The following ATP2B4 variants were observed in gnomAD, a reference collection of about 807,000 sequenced individuals.
ATP2B4 encodes the protein plasma membrane calcium-transporting ATPase 4.
ATP2B4 carries 39 observed loss-of-function variants against 110.3 expected under a neutral mutation model. The observed-to-expected ratio is 0.35, with a 90% CI of 0.27 to 0.46. ATP2B4 has a LOEUF of 0.46. ATP2B4 is among the 20% of genes least tolerant of loss of function. The pLI is 1.00. For missense variants in ATP2B4, 1,135 were observed against 1,530.9 expected (o/e 0.74, Z 4.32); for synonymous variants, 538 against 571.7 (o/e 0.94, Z 0.84).
chr1:203,630,846 C>T (rs895504138), intron 1 of ATP2B4, among the ~76,000 whole-genome samples: 1 of 152,184 alleles, frequency 6.6e-6, no homozygotes, highest in African/African-American at 2.4e-5. Flanking sequence ...CCACTCATGT[C>T]CCCTTTTCTG....
rs779243492 is a variant in ATP2B4, at chr1:203,700,902, G to A, written c.880G>A (p.Glu294Lys). The change falls in exon 6 of 21, where the codon GAA becomes AAA. Residue 294 changes from glutamate (E) to lysine (K), a missense_variant. Glu to Lys is a moderately conservative substitution (Grantham distance 56). Coordinates refer to ENST00000357681, the MANE Select transcript of ATP2B4 (RefSeq NM_001684.5). ...LTLLGVNEDDEGEKKKKGKKQ... is the reference protein window; with the variant it reads ...LTLLGVNEDDKGEKKKKGKKQ... ...TCTCTTGGGGGTCAATGAGGATGAC[G>A]AAGGGGAGAAAAAGAAGAAAGGTAA... is the stretch of plus-strand genomic sequence containing the variant. 1.1e-5 allele frequency: 18 copies of A among 1,613,252 alleles called. No homozygotes were observed. The highest frequency in any genetic ancestry group is 6.7e-5 in the African/African-American group (5 of 74,964).
At chr1:203,671,400 A>T (rs1664656658) in intron 1 of ATP2B4, among the ~76,000 whole-genome samples, 1 of 152,148 alleles carries the variant, frequency 6.6e-6, no homozygotes, top group Admixed American at 6.5e-5. Flanking sequence ...GAGTTCAAGC[A>T]ATCCTCCCTC....
chr1:203,661,959 T>C (rs1201498822), intron 1 of ATP2B4, among the ~76,000 whole-genome samples: 1 of 152,278 alleles, frequency 6.6e-6, no homozygotes, highest in East Asian at 1.9e-4. Context: ...CATCTGCTCT[T>C]CTTCCTTCTC....
At chr1:203,676,076 T>C (rs1243145513) in intron 1 of ATP2B4, among the ~76,000 whole-genome samples, 2 of 152,176 alleles carry the variant, frequency 1.3e-5, no homozygotes, top group Non-Finnish European at 2.9e-5. Context: ...GCCAGAGGCC[T>C]GGCTTGGTGT....
chr1:203,653,589 G>T (rs930859724), intron 1 of ATP2B4, among the ~76,000 whole-genome samples: 1 of 152,114 alleles, frequency 6.6e-6, no homozygotes, highest in African/African-American at 2.4e-5. Context: ...GTGACTTCAA[G>T]TTAAAGTCAA....
intron 2 of ATP2B4, among the ~76,000 whole-genome samples, chr1:203,695,315 G>T (rs941403941): frequency 2.0e-5 from 3 of 152,222 alleles, no homozygotes; most frequent in Admixed American, 6.5e-5. Flanking sequence ...GCAAGGCCCT[G>T]CCCCTTTGGC....
At chr1:203,635,654 A>G (rs576315069) in intron 1 of ATP2B4, among the ~76,000 whole-genome samples, 8 of 152,318 alleles carry the variant, frequency 5.3e-5, no homozygotes, top group African/African-American at 1.9e-4. Context: ...CTGTCTCAAA[A>G]AAAAAAGGTG....
chr1:203,657,314 C>T (rs1364895511), intron 1 of ATP2B4: 4 of 740,568 alleles, frequency 5.4e-6, no homozygotes, highest in Non-Finnish European at 9.9e-6. Context: ...TCTTCCATGC[C>T]TTCTTCTTTC....
At chr1:203,672,582 G>C (rs902903457) in intron 1 of ATP2B4, among the ~76,000 whole-genome samples, 2 of 152,106 alleles carry the variant, frequency 1.3e-5, no homozygotes, top group Non-Finnish European at 2.9e-5. Context: ...GGCGCTCCCT[G>C]AGAGGTGTTA....
intron 2 of ATP2B4, among the ~76,000 whole-genome samples, chr1:203,691,710 A>G (rs4951381): frequency 0.85 from 128,734 of 152,106 alleles, 55,031 homozygotes; most frequent in East Asian, 1. Context: ...TCTCCAAGCC[A>G]TGCGTGTATT....
intron 20 of ATP2B4, among the ~76,000 whole-genome samples, chr1:203,729,110 T>C (rs1465950428): frequency 6.7e-6 from 1 of 149,418 alleles, no homozygotes; most frequent in Non-Finnish European, 1.5e-5. Flanking sequence ...AGATTGAGAG[T>C]TGTCTCAAAA....
intron 2 of ATP2B4, among the ~76,000 whole-genome samples, chr1:203,684,519 A>C (rs1431477883): frequency 6.6e-6 from 1 of 151,908 alleles, no homozygotes; most frequent in Non-Finnish European, 1.5e-5. Context: ...CACCACGCCC[A>C]GCTAATTTTT....
chr1:203,645,796 G>T (rs939669567), intron 1 of ATP2B4, among the ~76,000 whole-genome samples: 4 of 151,802 alleles, frequency 2.6e-5, no homozygotes, highest in African/African-American at 7.2e-5. Context: ...CCACCATCTT[G>T]GTCAGGATGG....
Position 203,722,178 on chromosome 1 carries a change from A to G in ATP2B4, c.2813-300A>G, listed in dbSNP as rs115698914. 1.0e-3 allele frequency among the ~76,000 whole-genome samples: 159 copies of G among 152,246 alleles called. 1 individual carries two copies. The highest frequency in any genetic ancestry group is 3.4e-3 in the African/African-American group (140 of 41,544). On this transcript the variant is annotated intron_variant, in intron 17 of 20. Transcript: ENST00000357681. The stretch of plus-strand genomic sequence containing the variant: ...TTTAAAATGTTTAATAACTAGTACA[A>G]CAAAAAATTAGCCAGGCATGGTGGT...
intron 1 of ATP2B4, among the ~76,000 whole-genome samples, chr1:203,662,622 C>T (rs966690012): frequency 1.3e-5 from 2 of 152,148 alleles, no homozygotes; most frequent in African/African-American, 4.8e-5. Flanking sequence ...AAGGTTCATC[C>T]GTGTGGCAGC....
chr1:203,686,555 T>A (rs1665184411), intron 2 of ATP2B4, among the ~76,000 whole-genome samples: 1 of 152,152 alleles, frequency 6.6e-6, no homozygotes, highest in African/African-American at 2.4e-5. Context: ...CAATGGCAAG[T>A]GCTTCCCTCG....
At chr1:203,729,371 C>T (rs1041059025) in intron 20 of ATP2B4, among the ~76,000 whole-genome samples, 3 of 151,832 alleles carry the variant, frequency 2.0e-5, no homozygotes, top group Non-Finnish European at 2.9e-5. Context: ...ATAGTGAAAC[C>T]TTGGCTCTGC....
intron 15 of ATP2B4, among the ~76,000 whole-genome samples, chr1:203,714,581 C>G (rs1018058969): frequency 2.0e-5 from 3 of 152,192 alleles, no homozygotes; most frequent in Non-Finnish European, 2.9e-5. Flanking sequence ...GATTTGTGTT[C>G]CCTATGGTAG....
rs1663209039 is a variant in ATP2B4, at chr1:203,629,831, T to C, written c.-465+2612T>C. 6.6e-6 allele frequency among the ~76,000 whole-genome samples: 1 copy of C among 152,162 alleles called. No homozygotes were observed. The highest frequency in any genetic ancestry group is 2.1e-4 in the South Asian group (1 of 4,828). On this transcript the variant is annotated intron_variant, in intron 1 of 20. Coordinates refer to ENST00000357681, the MANE Select transcript of ATP2B4 (RefSeq NM_001684.5). The surrounding 1 kb of genome is among the most constrained non-coding windows in gnomAD (Gnocchi z 4.6). ...CAAGTCAAAGGAGCACAGCCCGTCT[T>C]ACCCCTGGGACTCCCAGCGCCCAGC... is the stretch of plus-strand genomic sequence containing the variant.
Sources: gnomAD v4.1 joint callset for allele counts (sites outside exome capture counted in the v4.1 genomes callset) on GRCh38, gnomAD v4.1.1 for gene constraint, Gnocchi (gnomAD v3.1) non-coding constraint, MANE v1.5 for transcripts, NCBI Gene and HGNC (gene_info 2026-07-23, HGNC 2026-07-21) for gene names.